The following FMN1 variants were observed in gnomAD, a reference collection of about 807,000 sequenced individuals.
FMN1 encodes formin 1, also known as formin-1.
In FMN1, 110 loss-of-function variants were observed where a neutral mutation model predicts 132.4. The observed-to-expected ratio is 0.83, with a 90% CI of 0.71 to 0.97. The LOEUF is 0.97. FMN1 is among the 50% of genes least tolerant of loss of function. The pLI, the probability that FMN1 is intolerant of heterozygous loss-of-function variation, is 0.00. For missense variants in FMN1, 1,792 were observed against 1,705.3 expected (o/e 1.05, Z -0.90); for synonymous variants, 722 against 651.7 (o/e 1.11, Z -1.64).
chr15:33,172,004 T>C (rs1965340950), intron 3 of FMN1, among the ~76,000 whole-genome samples: 1 of 151,804 alleles, frequency 6.6e-6, no homozygotes, highest in Non-Finnish European at 1.5e-5. Context: ...GGTCAGGAGA[T>C]TGAGATCATC....
At chr15:32,905,328 C>G (rs2060396241) in intron 12 of FMN1, among the ~76,000 whole-genome samples, 1 of 152,220 alleles carries the variant, frequency 6.6e-6, no homozygotes. Context: ...CATAGCATAA[C>G]TGAATGTTGC....
At chr15:33,064,789 C>A in intron 6 of FMN1, 168 bp downstream of exon 6, 1 of 479,778 alleles carries the variant, frequency 2.1e-6, no homozygotes, top group Non-Finnish European at 3.7e-6. Context: ...GGCTCGTTAA[C>A]AATAAGTGTG....
At chr15:33,067,380 G>A (rs748313973) in intron 5 of FMN1, 3 of 1,613,954 alleles carry the variant, frequency 1.9e-6, no homozygotes, top group South Asian at 2.2e-5. Flanking sequence ...ACACCACTAG[G>A]GGACTTTGGG....
chr15:33,003,941 G>C (rs1037666178), intron 7 of FMN1, among the ~76,000 whole-genome samples: 4 of 152,080 alleles, frequency 2.6e-5, no homozygotes, highest in Non-Finnish European at 5.9e-5. Context: ...CAAGCAATGG[G>C]GAAAGGAATC....
chr15:32,770,209 G>A lies in FMN1; in HGVS notation c.*4101C>T, dbSNP rs1438383528. The A allele has an allele frequency of 6.6e-6, 1 of 152,110 alleles. No individual in the cohort carries two copies. Among genetic ancestry groups the A allele is most frequent in the African/African-American group, 2.4e-5 (1 of 41,418 alleles). The allele number at this position is 152,110 out of a possible 1,614,324, so 9.4% of individuals were successfully genotyped here. ...GGTTCCCCGGTCAATGTTACAGCCT[G>A]GTTCCTGGAAAAAGAGCCTGCAAGC... On this transcript the variant is annotated 3_prime_UTR_variant, in exon 21 of 21. Transcript: ENST00000616417.
At chr15:32,947,772 A>C (rs1416043254) in intron 9 of FMN1, among the ~76,000 whole-genome samples, 1 of 151,864 alleles carries the variant, frequency 6.6e-6, no homozygotes, top group Non-Finnish European at 1.5e-5. Flanking sequence ...TGGTATCTTT[A>C]TTTTCCAACT....
chr15:33,023,618 T>C lies in FMN1; in HGVS notation c.2162-15543A>G, dbSNP rs111433553. ...ACTCAGGTACAGTCAAGGAAGGAGT[T>C]TGTGAGTAAAAGATACTGAATAATT... On this transcript the variant is annotated intron_variant, in intron 6 of 20. Coordinates refer to ENST00000616417, the MANE Select transcript of FMN1 (RefSeq NM_001277313.2). Among the ~76,000 whole-genome samples, 1,093 of 152,156 alleles carry C rather than the reference T, an allele frequency of 7.2e-3. 10 individuals are homozygous for C. Among genetic ancestry groups the C allele is most frequent in the African/African-American group, 0.024 (1,015 of 41,494 alleles).
intron 13 of FMN1, among the ~76,000 whole-genome samples, chr15:32,901,302 GA>G (rs1033095803): frequency 1.3e-5 from 2 of 151,900 alleles, no homozygotes; most frequent in South Asian, 2.1e-4. Flanking sequence ...TATCTTAGAG[GA>G]AAAAAAATCA....
At position 32,771,457 on chromosome 15, in the gene FMN1, T is replaced by C. The variant is rs1203999572; in HGVS notation, c.*2853A>G. ...TGTGTAATTTATGTAACTTATGATA[T>C]TGTGTGCTCTGATGCTGTCAATTGC... On this transcript the variant is annotated 3_prime_UTR_variant, in exon 21 of 21. Coordinates refer to ENST00000616417, the MANE Select transcript of FMN1 (RefSeq NM_001277313.2). 1 of 152,230 alleles carries C rather than the reference T, an allele frequency of 6.6e-6. No homozygotes were observed. Among genetic ancestry groups the C allele is most frequent in the Non-Finnish European group, 1.5e-5 (1 of 68,036 alleles). The allele number at this position is 152,230 out of a possible 1,614,324, so 9.4% of individuals were successfully genotyped here.
intron 15 of FMN1, among the ~76,000 whole-genome samples, chr15:32,891,313 T>C (rs1171558572): frequency 1.3e-5 from 2 of 152,222 alleles, no homozygotes; most frequent in African/African-American, 4.8e-5. Context: ...AGTGATGCGA[T>C]GTTGGCTCAT....
Position 32,901,859 on chromosome 15 carries a change from C to CCCA in FMN1, c.3507+51_3507+52insTGG, listed in dbSNP as rs1309571220. On this transcript the variant is annotated intron_variant, in intron 13 of 20. Coordinates refer to ENST00000616417, the MANE Select transcript of FMN1 (RefSeq NM_001277313.2). Reference sequence around the variant, plus strand: ...GCATTAAAGTGGTCTCTCCCACTTTCTTCTTTACTCTTCAGAGCAAGGCTA... The same window carrying CCCA: ...GCATTAAAGTGGTCTCTCCCACTTTCCCATTCTTTACTCTTCAGAGCAAGGCTA... 3.8e-5 allele frequency: 58 copies of CCCA among 1,518,754 alleles called. No homozygotes were observed. In the African/African-American group the frequency reaches 7.7e-4, roughly 20 times the overall value. The allele number at this position is 1,518,754 out of a possible 1,614,324, so 94.1% of individuals were successfully genotyped here. A position where few individuals can be genotyped will look rare whatever the true frequency, so the allele number is the denominator to read the frequency against.
chr15:33,048,376 A>G (rs1410008222), intron 6 of FMN1, among the ~76,000 whole-genome samples: 1 of 152,056 alleles, frequency 6.6e-6, no homozygotes, highest in Non-Finnish European at 1.5e-5. Context: ...CTAAAGTAAA[A>G]TAACTGGTTA....
chr15:32,843,451 TATGTTAGCA>T (rs2058790098), intron 17 of FMN1, among the ~76,000 whole-genome samples: 1 of 152,186 alleles, frequency 6.6e-6, no homozygotes, highest in Admixed American at 6.5e-5. Flanking sequence ...GCACATATAT[TATGTTAGCA>T]ATTAGGCTTA....
chr15:33,116,455 C>CTTAT (rs2039929100), intron 4 of FMN1, among the ~76,000 whole-genome samples: 1 of 152,180 alleles, frequency 6.6e-6, no homozygotes, highest in African/African-American at 2.4e-5. Context: ...CGTTTTCTGT[C>CTTAT]TATAAATGTT....
At chr15:33,024,223 ATTTTTTTTTTTTTTTTT>A (rs555760509) in intron 6 of FMN1, among the ~76,000 whole-genome samples, 10 of 87,940 alleles carry the variant, frequency 1.1e-4, no homozygotes, top group East Asian at 4.8e-4. Flanking sequence ...CACCTATCAG[ATTTTTTTTTTTTTTTTT>A]TTTTTTTTTT....
chr15:32,885,702 C>T (rs1227253456), intron 16 of FMN1, among the ~76,000 whole-genome samples: 1 of 152,118 alleles, frequency 6.6e-6, no homozygotes, highest in African/African-American at 2.4e-5. Context: ...AAAGTTCTTG[C>T]CTCTCTGAAA....
intron 17 of FMN1, among the ~76,000 whole-genome samples, chr15:32,853,506 T>G (rs1213518058): frequency 6.6e-6 from 1 of 152,220 alleles, no homozygotes; most frequent in Non-Finnish European, 1.5e-5. Context: ...AGAAATTTGA[T>G]TATCTATGGT....
chr15:33,184,207 A>G (rs1460308734), intron 2 of FMN1, among the ~76,000 whole-genome samples: 1 of 152,210 alleles, frequency 6.6e-6, no homozygotes, highest in Non-Finnish European at 1.5e-5. Context: ...GTCTGAAATG[A>G]TATTACCTAA....
chr15:33,172,245 T>C (rs532401462), intron 3 of FMN1, among the ~76,000 whole-genome samples: 21 of 152,266 alleles, frequency 1.4e-4, no homozygotes, highest in Admixed American at 1.2e-3. Context: ...GTGTTTTCTA[T>C]TTAAGACACT....
Sources: allele counts gnomAD v4.1 joint callset (sites outside exome capture counted in the v4.1 genomes callset), GRCh38; gene constraint gnomAD v4.1.1; transcripts MANE v1.5; gene names NCBI Gene and HGNC (gene_info 2026-07-23, HGNC 2026-07-21).